Variants in PCDHGB4 observed in about 807,000 individuals in gnomAD.
The protein encoded by PCDHGB4 is protocadherin gamma-B4.
A neutral mutation model predicts 60.5 loss-of-function variants in PCDHGB4; 38 were observed. That is an observed-to-expected ratio of 0.63 (90% CI 0.48 to 0.82). The LOEUF (loss-of-function observed/expected upper bound fraction) is 0.82. Among genes scored for constraint, PCDHGB4 ranks in the 40% least tolerant of loss-of-function variants. The pLI, the probability that PCDHGB4 is intolerant of heterozygous loss-of-function variation, is 0.00. For synonymous variants in PCDHGB4, 456 were observed against 509.7 expected (o/e 0.89, Z 1.42); for missense variants, 1,109 against 1,209.6 (o/e 0.92, Z 1.23).
chr5:141,388,620 G>A lies in PCDHGB4; in HGVS notation c.736G>A (p.Val246Ile), dbSNP rs2091421768. 1 of 1,613,912 alleles carries A rather than the reference G, an allele frequency of 6.2e-7. No homozygotes were observed. Among genetic ancestry groups the A allele is most frequent in the East Asian group, 2.2e-5 (1 of 44,880 alleles). Residue 246 changes from valine (V) to isoleucine (I), a missense_variant, in exon 1 of 4, where the codon GTA becomes ATA. This residue lies in a region of PCDHGB4 where 1,068 missense variants were observed against 1,089.9 expected (regional missense o/e 0.98). Transcript: ENST00000519479. The stretch of plus-strand genomic sequence containing the variant: ...TAATGCTCCAGTGTTCAGTCAAGAC[G>A]TATACAGGGTGAGCCTTTCAGAAAA... Reference protein sequence around the residue: ...NDNAPVFSQDVYRVSLSENVY... With the variant: ...NDNAPVFSQDIYRVSLSENVY...
chr5:141,494,906 A>T, intron 2 of PCDHGB4, 41 bp downstream of exon 2: 1 of 1,613,800 alleles, frequency 6.2e-7, no homozygotes, highest in Non-Finnish European at 8.5e-7. Flanking sequence ...TCTCTGCGGC[A>T]TTTTCTCAGG....
At chr5:141,484,499 A>G (rs567556335) in intron 1 of PCDHGB4, among the ~76,000 whole-genome samples, 20 of 152,344 alleles carry the variant, frequency 1.3e-4, no homozygotes, top group African/African-American at 4.6e-4. Flanking sequence ...CCGTTTCTGA[A>G]TATTCTGCAG....
At chr5:141,428,098 A>G in intron 1 of PCDHGB4, 1 of 1,608,664 alleles carries the variant, frequency 6.2e-7, no homozygotes, top group Non-Finnish European at 8.5e-7. Flanking sequence ...CTGTCCTACC[A>G]CGTGCTGCAG....
chr5:141,491,529 G>C lies in PCDHGB4; in HGVS notation c.2398-3278G>C. 1 of 1,614,040 alleles carries C rather than the reference G, an allele frequency of 6.2e-7. No individual in the cohort carries two copies. The highest frequency in any genetic ancestry group is 1.1e-5 in the South Asian group (1 of 91,080). On this transcript the variant is annotated intron_variant, in intron 1 of 3. Coordinates refer to ENST00000519479, the MANE Select transcript of PCDHGB4 (RefSeq NM_003736.4). The surrounding 1 kb of genome is among the most constrained non-coding windows in gnomAD (Gnocchi z 6.9). ...GCACGCTCAAGTACATGGAGGTGACGCTGCGGCCCACAGACTCGCAGAGCC... is the reference window on the plus strand; with the variant it reads ...GCACGCTCAAGTACATGGAGGTGACCCTGCGGCCCACAGACTCGCAGAGCC...
chr5:141,421,578 T>G, intron 1 of PCDHGB4: 1 of 1,613,886 alleles, frequency 6.2e-7, no homozygotes, highest in Non-Finnish European at 8.5e-7. Flanking sequence ...CCTTGAAGAT[T>G]TACGGAGTGG....
In PCDHGB4 at chr5:141,490,175, A is replaced by C; in HGVS notation, c.2398-4632A>C. The C allele has an allele frequency of 1.9e-6, 3 of 1,614,194 alleles. No homozygotes were observed. Among genetic ancestry groups the C allele is most frequent in the East Asian group, 4.5e-5 (2 of 44,884 alleles). On this transcript the variant is annotated intron_variant, in intron 1 of 3. Coordinates refer to ENST00000519479, the MANE Select transcript of PCDHGB4 (RefSeq NM_003736.4). This position sits in a 1 kb window ranked among gnomAD's most constrained non-coding sequence, Gnocchi z 5.4. ...GTGTTGGGTCCCATAGACTTTGAGG[A>C]GTCACGTTTCTATGAAATTCATGCA...
chr5:141,418,589 C>G lies in PCDHGB4; in HGVS notation c.2397+28308C>G, dbSNP rs184213052. ...CAATGACAACCCCCCAGTGTTCAGC[C>G]AGGACGTGTACAGGGTTAGCCTTCG... On this transcript the variant is annotated intron_variant, in intron 1 of 3. Transcript: ENST00000519479. 5.5e-4 allele frequency: 884 copies of G among 1,614,012 alleles called. 4 individuals carry two copies. Among genetic ancestry groups the G allele is most frequent in the South Asian group, 4.0e-3 (361 of 91,086 alleles).
At chr5:141,448,480 C>A (rs889742803) in intron 1 of PCDHGB4, among the ~76,000 whole-genome samples, 1 of 152,184 alleles carries the variant, frequency 6.6e-6, no homozygotes, top group Admixed American at 6.6e-5. Flanking sequence ...ACCCTTGCTT[C>A]CTCCTGTCCC....
chr5:141,401,587 T>C (rs1455949609), intron 1 of PCDHGB4, among the ~76,000 whole-genome samples: 3 of 152,226 alleles, frequency 2.0e-5, no homozygotes, highest in Non-Finnish European at 2.9e-5. Context: ...TCCTGACATA[T>C]TCTTGAAGAA....
rs188338684 is a variant in PCDHGB4, at chr5:141,431,953, C to T, written c.2397+41672C>T. ...TGCCCTTTAAATTAGAAAAATCTTA[C>T]GGAAATTACTATAGTTTAGTCACAG... On this transcript the variant is annotated intron_variant, in intron 1 of 3. Transcript: ENST00000519479. The surrounding 1 kb of genome is among the most constrained non-coding windows in gnomAD (Gnocchi z 4.8). 2.4e-5 allele frequency: 38 copies of T among 1,614,082 alleles called. No homozygotes were observed. In the East Asian group the frequency reaches 7.6e-4, roughly 32 times the overall value.
intron 1 of PCDHGB4, chr5:141,419,399 G>T (rs893535249): frequency 6.2e-7 from 1 of 1,613,470 alleles, no homozygotes. Context: ...GAGCGGGGTG[G>T]TGTTCGCGCA....
At chr5:141,410,847 G>GTTTTT (rs773839667) in intron 1 of PCDHGB4, 12 of 158,330 alleles carry the variant, frequency 7.6e-5, no homozygotes, top group African/African-American at 2.5e-4. Flanking sequence ...TTTTGTCTTT[G>GTTTTT]TCTTTTTTTT....
At chr5:141,395,346 T>C in intron 1 of PCDHGB4, 1 of 1,396,344 alleles carries the variant, frequency 7.2e-7, no homozygotes. Context: ...TTAAGGTGTA[T>C]CACAGAGTTT....
chr5:141,463,184 T>A (rs62379194), intron 1 of PCDHGB4, among the ~76,000 whole-genome samples: 5,135 of 152,236 alleles, frequency 0.034, 100 homozygotes, highest in Middle Eastern at 0.088. Context: ...CTCAGATTAT[T>A]ATTTAGCCAA....
intron 1 of PCDHGB4, chr5:141,402,998 C>G: frequency 6.2e-7 from 1 of 1,613,908 alleles, no homozygotes; most frequent in Non-Finnish European, 8.5e-7. Context: ...ATTAGTCCTG[C>G]TATGCTCGCT....
chr5:141,391,912 T>C (rs1370313040), intron 1 of PCDHGB4: 1 of 152,228 alleles, frequency 6.6e-6, no homozygotes, highest in Non-Finnish European at 1.5e-5. Context: ...CTTTTTATCA[T>C]ATATTCATCT....
At chr5:141,473,335 C>T (rs1243738475) in intron 1 of PCDHGB4, among the ~76,000 whole-genome samples, 3 of 152,184 alleles carry the variant, frequency 2.0e-5, no homozygotes, top group Non-Finnish European at 4.4e-5. Context: ...GCCTGCTGTG[C>T]TAGACAGTGA....
chr5:141,494,775 A>G (rs1202233200), intron 1 of PCDHGB4, 32 bp from the exon 2 acceptor site: 1 of 1,613,580 alleles, frequency 6.2e-7, no homozygotes. Flanking sequence ...TCTCACGGGT[A>G]CTCAGCCCCT....
intron 1 of PCDHGB4, chr5:141,394,510 C>T (rs371348730): frequency 2.5e-6 from 4 of 1,614,098 alleles, no homozygotes; most frequent in Non-Finnish European, 3.4e-6. Flanking sequence ...CTGTACCCCG[C>T]CCTCCCCACA....
Sources: allele counts gnomAD v4.1 joint callset (sites outside exome capture counted in the v4.1 genomes callset), GRCh38; gene constraint gnomAD v4.1.1; regional missense constraint gnomAD v4.1.1; non-coding constraint Gnocchi (gnomAD v3.1); transcripts MANE v1.5; gene names NCBI Gene and HGNC (gene_info 2026-07-23, HGNC 2026-07-21).